The following ANXA13 variants were observed in gnomAD, a reference collection of about 807,000 sequenced individuals.
ANXA13 encodes annexin A13, also known as annexin XIII.
A neutral mutation model predicts 46.6 loss-of-function variants in ANXA13; 36 were observed. That is an observed-to-expected ratio of 0.77 (90% CI 0.59 to 1.02). ANXA13 has a LOEUF of 1.02. Among genes scored for constraint, ANXA13 ranks in the 50% least tolerant of loss-of-function variants. The pLI is 0.00. For synonymous variants in ANXA13, 163 were observed against 152.9 expected, an observed-to-expected ratio of 1.07 and a Z score of -0.49; for missense variants, 417 against 396.5, an observed-to-expected ratio of 1.05 and a Z score of -0.44.
At chr8:123,733,074 G>A (rs1814156816) in intron 1 of ANXA13, among the ~76,000 whole-genome samples, 1 of 152,022 alleles carries the variant, frequency 6.6e-6, no homozygotes, top group African/African-American at 2.4e-5. Context: ...GAGGTAAAAG[G>A]ATTGCTTGAA....
At chr8:123,716,962 C>T (rs572810500) in intron 1 of ANXA13, among the ~76,000 whole-genome samples, 5 of 152,248 alleles carry the variant, frequency 3.3e-5, no homozygotes, top group Non-Finnish European at 4.4e-5. Flanking sequence ...GGAGACCACA[C>T]GGATATTCCA....
At chr8:123,728,903 C>G (rs1417360315) in intron 1 of ANXA13, among the ~76,000 whole-genome samples, 4 of 152,098 alleles carry the variant, frequency 2.6e-5, no homozygotes, top group Non-Finnish European at 5.9e-5. Context: ...CTACAACCAT[C>G]CAAGTCCCCA....
At chr8:123,686,457 C>T (rs1205620228) in intron 9 of ANXA13, among the ~76,000 whole-genome samples, 2 of 131,004 alleles carry the variant, frequency 1.5e-5, no homozygotes, top group African/African-American at 5.8e-5. Context: ...GAAACTGTGT[C>T]TTAAAAAAAA....
At chr8:123,724,817 A>G (rs899089332) in intron 1 of ANXA13, among the ~76,000 whole-genome samples, 3 of 152,236 alleles carry the variant, frequency 2.0e-5, no homozygotes, top group Admixed American at 1.3e-4. Context: ...GGCAAACTGC[A>G]GACTGAGGAC....
chr8:123,697,112 G>A (rs1415708345), intron 4 of ANXA13, among the ~76,000 whole-genome samples: 2 of 152,272 alleles, frequency 1.3e-5, no homozygotes, highest in African/African-American at 4.8e-5. Context: ...GTTTCATCAT[G>A]TTAGCCAGGC....
intron 4 of ANXA13, among the ~76,000 whole-genome samples, chr8:123,697,405 C>A (rs1813361280): frequency 6.6e-6 from 1 of 152,126 alleles, no homozygotes; most frequent in Admixed American, 6.5e-5. Flanking sequence ...TCATCCCAAC[C>A]TGAGACTCCT....
rs771029692 is a variant in ANXA13, at chr8:123,681,301, T to G, written c.890A>C (p.Asp297Ala). 2.8e-5 allele frequency: 45 copies of G among 1,614,234 alleles called. 1 individual carries two copies. In the South Asian group the frequency reaches 4.8e-4, roughly 17 times the overall value. The change falls in exon 11 of 11, where the codon GAC becomes GCC. Residue 297 changes from aspartate (D) to alanine (A), a missense_variant. Asp to Ala is a moderately radical substitution (Grantham distance 126, BLOSUM62 -2). Coordinates refer to ENST00000419625, the MANE Select transcript of ANXA13 (RefSeq NM_004306.4). ...FQEKYQKSLS[D>A]MVRSDTSGDF... The stretch of plus-strand genomic sequence containing the variant: ...CCCGGAGGTATCTGAGCGAACCATG[T>G]CAGAGAGAGACTTCTGATACTTCTC...
At chr8:123,726,860 C>T (rs2129936738) in intron 1 of ANXA13, among the ~76,000 whole-genome samples, 1 of 152,286 alleles carries the variant, frequency 6.6e-6, no homozygotes, top group Middle Eastern at 3.4e-3. Context: ...ATACAATAGA[C>T]TACTACTCAT....
intron 1 of ANXA13, among the ~76,000 whole-genome samples, chr8:123,713,923 A>G (rs1813709111): frequency 6.6e-6 from 1 of 152,070 alleles, no homozygotes; most frequent in Non-Finnish European, 1.5e-5. Flanking sequence ...TGAACTCCTG[A>G]GCTCAGGCAA....
At chr8:123,693,842 C>CAA in intron 6 of ANXA13, 63 bp from the exon 7 acceptor site, 2 of 1,426,444 alleles carry the variant, frequency 1.4e-6, no homozygotes, top group African/African-American at 1.4e-5. Flanking sequence ...AACAAACTAA[C>CAA]AAAAAAAACA....
intron 1 of ANXA13, chr8:123,727,899 A>G (rs570254621): frequency 6.6e-6 from 1 of 152,312 alleles, no homozygotes; most frequent in East Asian, 1.9e-4. Flanking sequence ...GATGTCTTAC[A>G]TTCTTTAATT....
rs757903621 is a variant in ANXA13 at position 123,698,451 on chromosome 8, T to C, written c.295A>G (p.Met99Val). 5 of 1,614,180 alleles carry C rather than the reference T, an allele frequency of 3.1e-6. No individual in the cohort carries two copies. Among genetic ancestry groups the C allele is most frequent in the South Asian group, 1.1e-5 (1 of 91,082 alleles). The change falls in exon 4 of 11, where the codon ATG becomes GTG. Residue 99 changes from methionine (M) to valine (V), a missense_variant. Transcript: ENST00000419625. The part of the protein sequence containing the change: ...EYAARQLQKA[M>V]KGLGTDESVL... ...GACTCATCTGTGCCCAGACCCTTCATAGCCTTCTGCAGCTGCCGGGCGGCG... is the reference window on the plus strand; with the variant it reads ...GACTCATCTGTGCCCAGACCCTTCACAGCCTTCTGCAGCTGCCGGGCGGCG...
chr8:123,714,640 G>C (rs535667406), intron 1 of ANXA13, among the ~76,000 whole-genome samples: 44 of 152,156 alleles, frequency 2.9e-4, no homozygotes, highest in Non-Finnish European at 5.7e-4. Context: ...TTGGCTTGAG[G>C]CTTTAGTTAA....
At chr8:123,726,686 AG>A (rs1814002284) in intron 1 of ANXA13, among the ~76,000 whole-genome samples, 1 of 152,252 alleles carries the variant, frequency 6.6e-6, no homozygotes, top group Non-Finnish European at 1.5e-5. Flanking sequence ...TATTTGATCC[AG>A]CAATCTCACT....
intron 6 of ANXA13, among the ~76,000 whole-genome samples, chr8:123,695,118 C>T (rs1214348697): frequency 2.0e-5 from 3 of 151,934 alleles, no homozygotes; most frequent in East Asian, 1.9e-4. Flanking sequence ...GTTGTGGAAG[C>T]GGCCCTGCTT....
intron 1 of ANXA13, among the ~76,000 whole-genome samples, chr8:123,722,279 C>T (rs1262986709): frequency 6.6e-6 from 1 of 150,664 alleles, no homozygotes; most frequent in Non-Finnish European, 1.5e-5. Context: ...CACTACTACA[C>T]TCCAGCCTGG....
At chr8:123,691,409 T>C (rs1466919202) in intron 8 of ANXA13, among the ~76,000 whole-genome samples, 1 of 152,114 alleles carries the variant, frequency 6.6e-6, no homozygotes, top group East Asian at 1.9e-4. Context: ...AATCATCAAA[T>C]CCATAGATTA....
intron 6 of ANXA13, among the ~76,000 whole-genome samples, chr8:123,693,991 CTT>C (rs375293398): frequency 5.6e-5 from 8 of 143,942 alleles, no homozygotes; most frequent in Admixed American, 7.0e-5. Flanking sequence ...TTGGTTTTGC[CTT>C]TTTTTTTTTT....
At chr8:123,686,139 A>G (rs931994510) in intron 9 of ANXA13, among the ~76,000 whole-genome samples, 1 of 152,130 alleles carries the variant, frequency 6.6e-6, no homozygotes, top group Non-Finnish European at 1.5e-5. Flanking sequence ...GAATCTCTCA[A>G]AAGGCTGGGC....
Sources: gnomAD v4.1 joint callset for allele counts (sites outside exome capture counted in the v4.1 genomes callset) on GRCh38, gnomAD v4.1.1 for gene constraint, MANE v1.5 for transcripts, NCBI Gene and HGNC (gene_info 2026-07-23, HGNC 2026-07-21) for gene names.